Variants in IFFO2 observed in about 807,000 individuals in gnomAD.
The protein encoded by IFFO2 is intermediate filament family orphan 2.
IFFO2 carries 19 observed loss-of-function variants against 53.5 expected under a neutral mutation model. The ratio of observed to expected loss-of-function variants is 0.36; its 90% CI spans 0.25 to 0.52. The LOEUF (loss-of-function observed/expected upper bound fraction) is 0.52. Ranked by LOEUF, IFFO2 falls within the 20% of genes least tolerant of loss-of-function variation. The pLI, the probability that IFFO2 is intolerant of heterozygous loss-of-function variation, is 0.94. For missense variants in IFFO2, 570 were observed against 727.4 expected (o/e 0.78, Z 2.49); for synonymous variants, 303 against 313.6 (o/e 0.97, Z 0.36).
At chr1:18,921,308 AG>A (rs1252870270) in intron 1 of IFFO2, among the ~76,000 whole-genome samples, 187 bp from the exon 2 acceptor site, 1 of 152,220 alleles carries the variant, frequency 6.6e-6, no homozygotes, top group Admixed American at 6.5e-5. Context: ...GAGGACAGCC[AG>A]GCTGACATAT....
At chr1:18,946,448 TCTGTTG>T (rs983965404) in intron 1 of IFFO2, among the ~76,000 whole-genome samples, 1 of 125,526 alleles carries the variant, frequency 8.0e-6, no homozygotes, top group African/African-American at 3.1e-5. Context: ...GGAGGCTCAC[TCTGTTG>T]CCCAGGCTGG....
rs2148182680 is a variant in IFFO2 at position 18,936,983 on chromosome 1, G to A, written c.666-15862C>T. 6.7e-6 allele frequency among the ~76,000 whole-genome samples: 1 copy of A among 149,710 alleles called. No individual in the cohort carries two copies. The highest frequency in any genetic ancestry group is 1.5e-5 in the Non-Finnish European group (1 of 67,688). ...AAAAAAAAAAAAAGCACAGAACACAGGATCCTAGGACATCAGACGGGGAAG... is the reference window on the plus strand; with the variant it reads ...AAAAAAAAAAAAAGCACAGAACACAAGATCCTAGGACATCAGACGGGGAAG... On this transcript the variant is annotated intron_variant, in intron 1 of 8. Transcript: ENST00000455833. This position sits in a 1 kb window ranked among gnomAD's most constrained non-coding sequence, Gnocchi z 4.5.
At chr1:18,940,691 C>A (rs182964407) in intron 1 of IFFO2, among the ~76,000 whole-genome samples, 4 of 152,224 alleles carry the variant, frequency 2.6e-5, no homozygotes, top group South Asian at 4.2e-4. Context: ...TCCTAGGTGT[C>A]CCCTGGGATG....
intron 1 of IFFO2, among the ~76,000 whole-genome samples, chr1:18,929,086 T>C (rs1419901807): frequency 6.6e-6 from 1 of 152,140 alleles, no homozygotes; most frequent in Non-Finnish European, 1.5e-5. Flanking sequence ...CCGCAGGCCT[T>C]AGAGAGTCAA....
Position 18,918,266 on chromosome 1 carries a change from G to T in IFFO2, c.963+96C>A. The T allele has an allele frequency of 8.3e-7, 1 of 1,204,734 alleles. No homozygotes were observed. Among genetic ancestry groups the T allele is most frequent in the Non-Finnish European group, 1.2e-6 (1 of 849,036 alleles). The allele number at this position is 1,204,734 out of a possible 1,614,324, so 74.6% of individuals were successfully genotyped here. ...TCGGGGAAGGGGAGGGAGTGAGTGG[G>T]ATGTGGAGGCAAACGGGTTGGCCGG... On this transcript the variant is annotated intron_variant, in intron 4 of 8. Transcript: ENST00000455833. The surrounding 1 kb of genome is among the most constrained non-coding windows in gnomAD (Gnocchi z 5.2).
intron 1 of IFFO2, among the ~76,000 whole-genome samples, chr1:18,948,384 C>T (rs1936617167): frequency 6.6e-6 from 1 of 152,228 alleles, no homozygotes; most frequent in African/African-American, 2.4e-5. Context: ...AGCCCACCTT[C>T]CCACTGTCCC....
rs1014705259 is a variant in IFFO2 at position 18,909,660 on chromosome 1, T to C, written c.1448+682A>G. 4.5e-4 allele frequency among the ~76,000 whole-genome samples: 68 copies of C among 152,348 alleles called. 1 individual carries two copies. Among genetic ancestry groups the C allele is most frequent in the African/African-American group, 1.5e-3 (63 of 41,576 alleles). On this transcript the variant is annotated intron_variant, in intron 8 of 8. Transcript: ENST00000455833. ...ACTCATTCTCTCCCCTGCCGCCCTG[T>C]GAAGAGGTGCCTTCTGCCATGACTA...
At chr1:18,924,062 C>A (rs538890612) in intron 1 of IFFO2, among the ~76,000 whole-genome samples, 5 of 152,218 alleles carry the variant, frequency 3.3e-5, no homozygotes, top group Non-Finnish European at 7.3e-5. Context: ...GAGGACAGAC[C>A]CCGCATGTGG....
intron 1 of IFFO2, among the ~76,000 whole-genome samples, chr1:18,926,099 TGG>T (rs1936291878): frequency 4.0e-5 from 4 of 100,678 alleles, no homozygotes; most frequent in African/African-American, 1.3e-4. Context: ...GATGGATGGA[TGG>T]ATTGGTTGGA....
At chr1:18,934,676 C>T (rs906868331) in intron 1 of IFFO2, among the ~76,000 whole-genome samples, 3 of 152,182 alleles carry the variant, frequency 2.0e-5, no homozygotes, top group Non-Finnish European at 4.4e-5. Context: ...CGGTTAACAT[C>T]GGCTCTATAT....
chr1:18,921,100 C>T lies in IFFO2; in HGVS notation c.687G>A (p.Lys229=), dbSNP rs1425060380. Residue 229 remains lysine, a synonymous_variant, in exon 2 of 9, where the codon AAG becomes AAA. Transcript: ENST00000455833. ...YKRRWEEELA[K]RMNLQTMVDT... is the part of the protein sequence containing the mutation. Reference sequence around the variant, plus strand: ...CCACCATGGTCTGAAGGTTCATGCGCTTGGCGAGCTCCTCCTCCCACCTGC... The same window carrying T: ...CCACCATGGTCTGAAGGTTCATGCGTTTGGCGAGCTCCTCCTCCCACCTGC... 13 of 1,551,864 alleles carry T rather than the reference C, an allele frequency of 8.4e-6. No homozygotes were observed. The highest frequency in any genetic ancestry group is 8.3e-5 in the South Asian group (7 of 84,072).
At chr1:18,951,306 C>T (rs1936656941) in intron 1 of IFFO2, among the ~76,000 whole-genome samples, 1 of 152,152 alleles carries the variant, frequency 6.6e-6, no homozygotes, top group African/African-American at 2.4e-5. Context: ...AAAAAGCCCA[C>T]CTGAAAGCCA....
At chr1:18,924,347 C>G (rs978198577) in intron 1 of IFFO2, among the ~76,000 whole-genome samples, 1 of 151,976 alleles carries the variant, frequency 6.6e-6, no homozygotes, top group Non-Finnish European at 1.5e-5. Context: ...ATTTCAACAC[C>G]AGCTTCCCAA....
At chr1:18,945,818 G>A (rs1035166138) in intron 1 of IFFO2, among the ~76,000 whole-genome samples, 8 of 152,214 alleles carry the variant, frequency 5.3e-5, no homozygotes, top group Non-Finnish European at 7.3e-5. Context: ...AGCCAGAATC[G>A]GAGCACCATC....
chr1:18,921,188 C>T (rs929614462), intron 1 of IFFO2, 67 bp from the exon 2 acceptor site: 3 of 1,328,034 alleles, frequency 2.3e-6, no homozygotes, highest in South Asian at 1.3e-5. Flanking sequence ...CCCTCAGACA[C>T]AACCCCAACA....
At chr1:18,920,637 G>A (rs1936203455) in intron 2 of IFFO2, among the ~76,000 whole-genome samples, 1 of 152,216 alleles carries the variant, frequency 6.6e-6, no homozygotes, top group Non-Finnish European at 1.5e-5. Context: ...CAGGCTGGGA[G>A]CCCACCTGCG....
chr1:18,926,087 T>C, intron 1 of IFFO2, among the ~76,000 whole-genome samples: 1 of 109,708 alleles, frequency 9.1e-6, no homozygotes, highest in South Asian at 3.0e-4. Flanking sequence ...GATGGATGGA[T>C]GGATGGATGG....
intron 6 of IFFO2, 85 bp from the exon 7 acceptor site, chr1:18,911,561 C>T (rs1000438747): frequency 3.0e-5 from 16 of 531,016 alleles, no homozygotes; most frequent in African/African-American, 1.0e-4. Flanking sequence ...ATTCTTGAGA[C>T]GGAGTCTCGC....
At chr1:18,940,702 A>G (rs1262202245) in intron 1 of IFFO2, among the ~76,000 whole-genome samples, 1 of 151,918 alleles carries the variant, frequency 6.6e-6, no homozygotes, top group East Asian at 1.9e-4. Flanking sequence ...CCCTGGGATG[A>G]CTCTTTACAC....
Sources: allele counts gnomAD v4.1 joint callset (sites outside exome capture counted in the v4.1 genomes callset), GRCh38; gene constraint gnomAD v4.1.1; non-coding constraint Gnocchi (gnomAD v3.1); transcripts MANE v1.5; gene names NCBI Gene and HGNC (gene_info 2026-07-23, HGNC 2026-07-21).